SGCD: variants seen among roughly 807,000 people sequenced by gnomAD.
SGCD encodes sarcoglycan delta.
SGCD carries 18 observed loss-of-function variants against 36.6 expected under a neutral mutation model. The ratio of observed to expected loss-of-function variants is 0.49; its 90% CI spans 0.34 to 0.73. The LOEUF is 0.73. SGCD is among the 30% of genes least tolerant of loss of function. The pLI, the probability that SGCD is intolerant of heterozygous loss-of-function variation, is 0.01. For synonymous variants in SGCD, 133 were observed against 130.6 expected (o/e 1.02, Z -0.12); for missense variants, 387 against 346.7 (o/e 1.12, Z -0.92).
In SGCD at chr5:156,708,604, T is replaced by C. The variant is rs191553777; in HGVS notation, c.576-48977T>C. ...CATAACGAACATACAAACAGATGTATTGAGGAATAGATGCTAAATTTGTTT... is the reference window on the plus strand; with the variant it reads ...CATAACGAACATACAAACAGATGTACTGAGGAATAGATGCTAAATTTGTTT... On this transcript the variant is annotated intron_variant, in intron 7 of 8. Coordinates refer to ENST00000337851, the MANE Select transcript of SGCD (RefSeq NM_000337.6). 3.9e-5 allele frequency among the ~76,000 whole-genome samples: 6 copies of C among 152,292 alleles called. No individual in the cohort carries two copies. The East Asian group carries it at 1.2e-3, about 29-fold the overall frequency.
chr5:156,128,029 A>G, intron 3 of SGCD, among the ~76,000 whole-genome samples: 1 of 152,130 alleles, frequency 6.6e-6, no homozygotes, highest in Non-Finnish European at 1.5e-5. Context: ...CTCATCAAAA[A>G]ATACCACCAA....
At chr5:156,069,458 G>A (rs956264483) in intron 1 of SGCD, among the ~76,000 whole-genome samples, 1 of 151,976 alleles carries the variant, frequency 6.6e-6, no homozygotes, top group Non-Finnish European at 1.5e-5. Context: ...ATTTCTAAGG[G>A]GTCTCTTCCA....
intron 4 of SGCD, among the ~76,000 whole-genome samples, chr5:156,552,630 G>T (rs1258913100): frequency 6.6e-6 from 1 of 152,000 alleles, no homozygotes. Flanking sequence ...CAAGAATAAG[G>T]GTCAGCTCAT....
chr5:155,795,031 A>G, the SGCD span, among the ~76,000 whole-genome samples: 1 of 152,126 alleles, frequency 6.6e-6, no homozygotes, highest in Non-Finnish European at 1.5e-5. Context: ...GTCAGAAGAT[A>G]ATGGAATTAC....
intron 1 of SGCD, among the ~76,000 whole-genome samples, chr5:156,021,589 A>G (rs1759098549): frequency 6.6e-6 from 1 of 152,186 alleles, no homozygotes; most frequent in Admixed American, 6.5e-5. Flanking sequence ...CTCTGCAAGG[A>G]TGATACTGGA....
At chr5:156,070,221 G>A (rs186408008) in intron 1 of SGCD, among the ~76,000 whole-genome samples, 8,332 of 149,648 alleles carry the variant, frequency 0.056, 788 homozygotes, top group African/African-American at 0.19. Flanking sequence ...TTTTCAAAGG[G>A]AACGCTTCCA....
intron 3 of SGCD, among the ~76,000 whole-genome samples, chr5:156,165,149 G>T (rs561117543): frequency 2.6e-5 from 4 of 152,252 alleles, no homozygotes; most frequent in African/African-American, 7.2e-5. Context: ...CAGGAGTTCC[G>T]GAGGGAAGGG....
At chr5:155,901,331 G>A (rs1048239796) in intron 1 of SGCD, among the ~76,000 whole-genome samples, 2 of 143,798 alleles carry the variant, frequency 1.4e-5, no homozygotes, top group Non-Finnish European at 3.0e-5. Context: ...AAAAAAAAAA[G>A]TAACACATGA....
intron 7 of SGCD, among the ~76,000 whole-genome samples, chr5:156,677,377 C>A (rs539889896): frequency 6.6e-6 from 1 of 152,126 alleles, no homozygotes; most frequent in Non-Finnish European, 1.5e-5. Context: ...GACATGGATG[C>A]AGCTGGAAAC....
At chr5:156,445,058 G>A (rs766664789) in intron 3 of SGCD, among the ~76,000 whole-genome samples, 4 of 152,152 alleles carry the variant, frequency 2.6e-5, no homozygotes, top group Middle Eastern at 3.4e-3. Flanking sequence ...GAATGTTCCC[G>A]CAGACTGTAA....
At chr5:156,289,158 T>C (rs1766693820) in intron 3 of SGCD, among the ~76,000 whole-genome samples, 1 of 152,100 alleles carries the variant, frequency 6.6e-6, no homozygotes, top group Admixed American at 6.6e-5. Context: ...ACTGTGTGTA[T>C]TGATCCCCTC....
intron 4 of SGCD, among the ~76,000 whole-genome samples, chr5:156,581,108 A>G (rs1256916868): frequency 1.3e-5 from 2 of 151,894 alleles, no homozygotes; most frequent in Non-Finnish European, 2.9e-5. Context: ...CTTTTTGTTG[A>G]TGTTGATGCT....
At chr5:156,610,357 A>G (rs1043975685) in intron 6 of SGCD, among the ~76,000 whole-genome samples, 10 of 152,160 alleles carry the variant, frequency 6.6e-5, no homozygotes, top group African/African-American at 2.4e-4. Flanking sequence ...GCAGAACAGC[A>G]GATATTGGTG....
chr5:156,653,493 C>CTTT (rs111458843), intron 7 of SGCD, among the ~76,000 whole-genome samples: 4 of 48,108 alleles, frequency 8.3e-5, no homozygotes, highest in Admixed American at 3.7e-4. Flanking sequence ...CTAAAGCTTG[C>CTTT]TTTTTTTTTT....
intron 4 of SGCD, among the ~76,000 whole-genome samples, chr5:156,567,537 AT>A (rs1759545961): frequency 6.6e-6 from 1 of 152,170 alleles, no homozygotes; most frequent in South Asian, 2.1e-4. Context: ...TCTAAAGGCC[AT>A]CTGCTGAGGA....
intron 1 of SGCD, among the ~76,000 whole-genome samples, chr5:156,013,708 G>A (rs1400918125): frequency 6.6e-6 from 1 of 151,904 alleles, no homozygotes. Context: ...TCTTTTAAAT[G>A]TTAAGGTTAA....
At chr5:156,367,557 C>T (rs1198504266) in intron 3 of SGCD, among the ~76,000 whole-genome samples, 3 of 152,186 alleles carry the variant, frequency 2.0e-5, no homozygotes, top group Admixed American at 6.5e-5. Context: ...TAGAATCAGT[C>T]ATGTAGTTTT....
the SGCD span, among the ~76,000 whole-genome samples, chr5:155,793,341 C>G: frequency 6.6e-6 from 1 of 152,074 alleles, no homozygotes. Flanking sequence ...CAAACCTCAG[C>G]ATTATGCAAT....
At chr5:156,229,711 G>A (rs752759460) in intron 3 of SGCD, among the ~76,000 whole-genome samples, 2 of 151,944 alleles carry the variant, frequency 1.3e-5, no homozygotes, top group Non-Finnish European at 2.9e-5. Context: ...GATGTCTAGG[G>A]CTCTAGTAAG....
Sources: gnomAD v4.1 joint callset for allele counts (sites outside exome capture counted in the v4.1 genomes callset) on GRCh38, gnomAD v4.1.1 for gene constraint, MANE v1.5 for transcripts, NCBI Gene and HGNC (gene_info 2026-07-23, HGNC 2026-07-21) for gene names.